The following FILIP1L variants were observed in gnomAD, a reference collection of about 807,000 sequenced individuals.
FILIP1L encodes the protein filamin A interacting protein 1 like, also known as filamin A-interacting protein 1-like.
In FILIP1L, 55 loss-of-function variants were observed where a neutral mutation model predicts 96.6. The ratio of observed to expected loss-of-function variants is 0.57; its 90% confidence interval spans 0.46 to 0.71. The LOEUF is 0.71. Ranked by LOEUF, FILIP1L falls within the 30% of genes least tolerant of loss-of-function variation. The pLI, the probability that FILIP1L is intolerant of heterozygous loss-of-function variation, is 0.00. For synonymous variants in FILIP1L, 467 were observed against 473.9 expected, an observed-to-expected ratio of 0.99 and a Z score of 0.19; for missense variants, 1,304 against 1,321.2, an observed-to-expected ratio of 0.99 and a Z score of 0.20.
At chr3:99,921,584 A>G (rs1707125422) in intron 4 of FILIP1L, among the ~76,000 whole-genome samples, 1 of 152,234 alleles carries the variant, frequency 6.6e-6, no homozygotes, top group South Asian at 2.1e-4. Context: ...TCCTTGGCAT[A>G]TAGAAATAGA....
chr3:99,989,508 C>T (rs1336515401), intron 1 of FILIP1L, among the ~76,000 whole-genome samples: 2 of 152,174 alleles, frequency 1.3e-5, no homozygotes, highest in Non-Finnish European at 2.9e-5. Flanking sequence ...GACTCCATTT[C>T]CTTATTGGAG....
intron 1 of FILIP1L, among the ~76,000 whole-genome samples, chr3:100,029,529 A>G (rs577918485): frequency 3.3e-5 from 5 of 152,302 alleles, no homozygotes; most frequent in African/African-American, 1.2e-4. Flanking sequence ...TACATAGACC[A>G]TACCAGTGTG....
At chr3:99,925,947 G>A (rs1175065911) in intron 3 of FILIP1L, 5 of 917,712 alleles carry the variant, frequency 5.4e-6, no homozygotes, top group Admixed American at 6.2e-5. Context: ...GAGCTAACTC[G>A]GGATCTTTTG....
chr3:100,016,594 G>T (rs893523601), intron 1 of FILIP1L, among the ~76,000 whole-genome samples: 3 of 152,126 alleles, frequency 2.0e-5, no homozygotes, highest in African/African-American at 7.2e-5. Context: ...CTAATCTTCT[G>T]TGACCTTGAA....
chr3:100,017,788 G>T (rs2107218295), intron 1 of FILIP1L, among the ~76,000 whole-genome samples: 2 of 152,252 alleles, frequency 1.3e-5, no homozygotes, highest in South Asian at 4.1e-4. Context: ...AGAAACACTG[G>T]TCTTCTCCGA....
chr3:99,911,107 C>T (rs1706773112), intron 4 of FILIP1L, among the ~76,000 whole-genome samples: 1 of 152,086 alleles, frequency 6.6e-6, no homozygotes, highest in African/African-American at 2.4e-5. Context: ...TAGCGCATTA[C>T]ACACCCACAT....
intron 1 of FILIP1L, among the ~76,000 whole-genome samples, chr3:99,944,587 G>T (rs1707952270): frequency 6.6e-6 from 1 of 152,192 alleles, no homozygotes; most frequent in Admixed American, 6.5e-5. Context: ...CACTTTATGG[G>T]TTAAAGTAAC....
chr3:99,833,270 C>G (rs762002177), intron 5 of FILIP1L: 4 of 1,608,146 alleles, frequency 2.5e-6, no homozygotes, highest in Admixed American at 1.7e-5. Flanking sequence ...ACCTAGGGAG[C>G]AGTAGAAAGA....
chr3:99,896,768 A>G (rs1176361948), intron 4 of FILIP1L, among the ~76,000 whole-genome samples: 1 of 152,176 alleles, frequency 6.6e-6, no homozygotes, highest in Non-Finnish European at 1.5e-5. Flanking sequence ...GTTCCAGAGG[A>G]CTAGGGTTTA....
chr3:99,860,412 C>A (rs150515856), intron 4 of FILIP1L, among the ~76,000 whole-genome samples: 1,757 of 152,194 alleles, frequency 0.012, 19 homozygotes, highest in African/African-American at 0.026. Flanking sequence ...TTCTAAAAAG[C>A]GGTACTGAAA....
chr3:99,882,848 T>C (rs1705773364), intron 4 of FILIP1L, among the ~76,000 whole-genome samples: 1 of 152,234 alleles, frequency 6.6e-6, no homozygotes, highest in Non-Finnish European at 1.5e-5. Context: ...AGAAATGTTT[T>C]CTTTTGTTGC....
chr3:99,872,982 G>C (rs1294650174), intron 4 of FILIP1L, among the ~76,000 whole-genome samples: 1 of 151,958 alleles, frequency 6.6e-6, no homozygotes, highest in African/African-American at 2.4e-5. Context: ...TAATCTGCTA[G>C]GAATTAGTGT....
At chr3:99,960,762 T>C (rs1708467367) in intron 1 of FILIP1L, among the ~76,000 whole-genome samples, 1 of 152,232 alleles carries the variant, frequency 6.6e-6, no homozygotes, top group Admixed American at 6.5e-5. Flanking sequence ...TTTTCTGTTA[T>C]TGATTTTATG....
intron 1 of FILIP1L, among the ~76,000 whole-genome samples, chr3:100,037,049 T>C (rs959812156): frequency 6.6e-6 from 1 of 152,106 alleles, no homozygotes; most frequent in African/African-American, 2.4e-5. Context: ...AAAAACTAAA[T>C]GTGTGGGTTC....
At chr3:99,902,591 G>A (rs1706472697) in intron 4 of FILIP1L, among the ~76,000 whole-genome samples, 1 of 152,108 alleles carries the variant, frequency 6.6e-6, no homozygotes. Flanking sequence ...TTTGATCCAG[G>A]GAAGAAACCT....
intron 5 of FILIP1L, among the ~76,000 whole-genome samples, chr3:99,845,041 G>C (rs975300039): frequency 1.3e-5 from 2 of 152,150 alleles, no homozygotes; most frequent in African/African-American, 4.8e-5. Flanking sequence ...CTGGTGTCAT[G>C]AAGACCCCAA....
At chr3:99,979,530 G>T (rs891397416) in intron 1 of FILIP1L, among the ~76,000 whole-genome samples, 2 of 152,116 alleles carry the variant, frequency 1.3e-5, no homozygotes, top group African/African-American at 2.4e-5. Flanking sequence ...TTCTTTCCCA[G>T]ATTTTTTTAA....
intron 4 of FILIP1L, among the ~76,000 whole-genome samples, chr3:99,918,511 C>G (rs1707025534): frequency 6.6e-6 from 1 of 152,082 alleles, no homozygotes; most frequent in African/African-American, 2.4e-5. Context: ...AAATTTAGTT[C>G]AGAAAACTAA....
chr3:99,899,263 G>C (rs912521837), intron 4 of FILIP1L, among the ~76,000 whole-genome samples: 2 of 152,160 alleles, frequency 1.3e-5, no homozygotes, highest in African/African-American at 4.8e-5. Context: ...AGGACACTTG[G>C]TTATAATTTT....
Sources: allele counts gnomAD v4.1 joint callset (sites outside exome capture counted in the v4.1 genomes callset), GRCh38; gene constraint gnomAD v4.1.1; transcripts MANE v1.5; gene names NCBI Gene and HGNC (gene_info 2026-07-23, HGNC 2026-07-21).